The following PAPPA2 variants were observed in gnomAD, a reference collection of about 807,000 sequenced individuals.
PAPPA2 encodes pappalysin-2.
A neutral mutation model predicts 176.4 loss-of-function variants in PAPPA2; 86 were observed. The ratio of observed to expected loss-of-function variants is 0.49; its 90% CI spans 0.41 to 0.58. The LOEUF is 0.58. Among genes scored for constraint, PAPPA2 ranks in the 20% least tolerant of loss-of-function variants. The pLI, the probability that PAPPA2 is intolerant of heterozygous loss-of-function variation, is 0.00. For missense variants in PAPPA2, 2,073 were observed against 2,256.9 expected (o/e 0.92, Z 1.65); for synonymous variants, 809 against 852.2 (o/e 0.95, Z 0.88).
At chr1:176,598,404 C>T (rs550644344) in intron 3 of PAPPA2, among the ~76,000 whole-genome samples, 1 of 152,188 alleles carries the variant, frequency 6.6e-6, no homozygotes, top group Admixed American at 6.5e-5. Context: ...CCTTCCTTGC[C>T]CTTGCATCCT....
chr1:176,602,613 T>G (rs1343058132), intron 3 of PAPPA2, among the ~76,000 whole-genome samples: 1 of 151,914 alleles, frequency 6.6e-6, no homozygotes, highest in Admixed American at 6.5e-5. Context: ...AGATTCAAAG[T>G]TCCCTGAAGC....
intron 1 of PAPPA2, among the ~76,000 whole-genome samples, chr1:176,526,708 T>G (rs1649519299): frequency 6.6e-6 from 1 of 152,210 alleles, no homozygotes. Flanking sequence ...TAATGACAAT[T>G]TTTGATCTGA....
At position 176,699,531 on chromosome 1, in the gene PAPPA2, C is replaced by G. The variant is rs762828955; in HGVS notation, c.3178C>G (p.Pro1060Ala). ...PVRYQVLRDP[P>A]FASGLPVVVT... ...GAGGTACCAGGTTCTCCGCGATCCC[C>G]CATTTGCCAGTGGTTTGCCCGTGGT... Residue 1060 changes from proline to alanine, a missense_variant, in exon 8 of 23, where the codon CCA becomes GCA. Coordinates refer to ENST00000367662, the MANE Select transcript of PAPPA2 (RefSeq NM_020318.3). 9 of 1,612,916 alleles carry G rather than the reference C, an allele frequency of 5.6e-6. No homozygotes were observed. Among genetic ancestry groups the G allele is most frequent in the Non-Finnish European group, 7.6e-6 (9 of 1,179,136 alleles).
chr1:176,578,211 A>G (rs930403480), intron 2 of PAPPA2, among the ~76,000 whole-genome samples: 6 of 152,366 alleles, frequency 3.9e-5, no homozygotes, highest in African/African-American at 1.4e-4. Flanking sequence ...CCTTTGTCCA[A>G]GAAAAGCTGT....
intron 12 of PAPPA2, among the ~76,000 whole-genome samples, chr1:176,724,430 T>C (rs1661767138): frequency 6.6e-6 from 1 of 152,176 alleles, no homozygotes. Flanking sequence ...AATAAGTACT[T>C]GTTTGGTTTC....
chr1:176,651,510 C>A (rs1657725335), intron 3 of PAPPA2, among the ~76,000 whole-genome samples: 1 of 151,594 alleles, frequency 6.6e-6, no homozygotes, highest in Admixed American at 6.6e-5. Flanking sequence ...ATTTGAACTT[C>A]TTTTATGTGC....
chr1:176,744,939 A>G (rs1185030363), intron 14 of PAPPA2, among the ~76,000 whole-genome samples: 1 of 152,176 alleles, frequency 6.6e-6, no homozygotes, highest in East Asian at 1.9e-4. Flanking sequence ...ATGACCTTAT[A>G]GTATTCTTGT....
At chr1:176,763,372 A>G (rs1012940907) in intron 14 of PAPPA2, among the ~76,000 whole-genome samples, 9 of 152,206 alleles carry the variant, frequency 5.9e-5, no homozygotes, top group Non-Finnish European at 1.5e-5. Context: ...GGCCTTCCTA[A>G]CAGTAAGTGC....
chr1:176,697,541 T>C (rs936310945), intron 7 of PAPPA2, among the ~76,000 whole-genome samples: 12 of 152,174 alleles, frequency 7.9e-5, no homozygotes, highest in Non-Finnish European at 1.8e-4. Context: ...CACATGTATT[T>C]ATAAATAGGT....
chr1:176,473,753 C>G (rs1041063273), intron 1 of PAPPA2, among the ~76,000 whole-genome samples: 2 of 152,142 alleles, frequency 1.3e-5, no homozygotes, highest in African/African-American at 4.8e-5. Context: ...TATCTCATTG[C>G]TGTTTTAATT....
At chr1:176,779,684 G>A (rs531405559) in intron 17 of PAPPA2, among the ~76,000 whole-genome samples, 2 of 152,294 alleles carry the variant, frequency 1.3e-5, no homozygotes, top group South Asian at 2.1e-4. Context: ...TGTGAAGAAT[G>A]TATGACTATC....
At chr1:176,731,878 A>G (rs773297549) in intron 12 of PAPPA2, among the ~76,000 whole-genome samples, 1 of 152,088 alleles carries the variant, frequency 6.6e-6, no homozygotes, top group South Asian at 2.1e-4. Context: ...ATAAACAATG[A>G]ATTTTTTTTC....
intron 12 of PAPPA2, among the ~76,000 whole-genome samples, chr1:176,725,727 G>T (rs546940161): frequency 1.2e-3 from 175 of 152,164 alleles, no homozygotes; most frequent in African/African-American, 4.1e-3. Context: ...CACACTCACG[G>T]GTTTAGTCAT....
chr1:176,672,899 G>T (rs1403821823), intron 4 of PAPPA2, among the ~76,000 whole-genome samples: 1 of 152,118 alleles, frequency 6.6e-6, no homozygotes, highest in Non-Finnish European at 1.5e-5. Flanking sequence ...GTTAGTGGTG[G>T]CCTGAGGCTA....
intron 21 of PAPPA2, among the ~76,000 whole-genome samples, chr1:176,819,548 A>G (rs545275265): frequency 2.6e-5 from 4 of 152,314 alleles, no homozygotes; most frequent in East Asian, 3.9e-4. Context: ...CTTGCTTGAC[A>G]TATACAGTTC....
intron 1 of PAPPA2, among the ~76,000 whole-genome samples, chr1:176,498,649 C>G (rs1209531248): frequency 6.6e-6 from 1 of 151,682 alleles, no homozygotes; most frequent in Non-Finnish European, 1.5e-5. Flanking sequence ...ACTCCAGAGG[C>G]TGAGGCAGGA....
intron 1 of PAPPA2, among the ~76,000 whole-genome samples, chr1:176,544,531 A>G (rs1275039425): frequency 6.6e-6 from 1 of 152,100 alleles, no homozygotes; most frequent in Non-Finnish European, 1.5e-5. Context: ...GTTTTTCTTT[A>G]TATTCATATG....
At chr1:176,752,009 G>C (rs1663197542) in intron 14 of PAPPA2, among the ~76,000 whole-genome samples, 1 of 59,724 alleles carries the variant, frequency 1.7e-5, no homozygotes, top group African/African-American at 6.9e-5. Flanking sequence ...ATACTATGCA[G>C]CCATAAAAAA....
At chr1:176,830,047 A>T (rs1166012494) in intron 21 of PAPPA2, among the ~76,000 whole-genome samples, 1 of 152,164 alleles carries the variant, frequency 6.6e-6, no homozygotes. Flanking sequence ...TGATAGTGAA[A>T]ACAAATACCT....
Sources: allele counts gnomAD v4.1 joint callset (sites outside exome capture counted in the v4.1 genomes callset), GRCh38; gene constraint gnomAD v4.1.1; transcripts MANE v1.5; gene names NCBI Gene and HGNC (gene_info 2026-07-23, HGNC 2026-07-21).